Variants in NRXN3 observed in about 807,000 individuals in gnomAD.
NRXN3 encodes the protein neurexin III.
A neutral mutation model predicts 137.6 loss-of-function variants in NRXN3; 32 were observed. The ratio of observed to expected loss-of-function variants is 0.23; its 90% confidence interval spans 0.18 to 0.31. The LOEUF is 0.31. Among genes scored for constraint, NRXN3 ranks in the 10% least tolerant of loss-of-function variants. The pLI, the probability that NRXN3 is intolerant of heterozygous loss-of-function variation, is 1.00. For synonymous variants in NRXN3, 798 were observed against 784.5 expected, an observed-to-expected ratio of 1.02 and a Z score of -0.29; for missense variants, 1,574 against 2,062.5, an observed-to-expected ratio of 0.76 and a Z score of 4.59.
intron 1 of NRXN3, among the ~76,000 whole-genome samples, chr14:78,179,842 GTT>G (rs796341902): frequency 6.4e-5 from 7 of 109,152 alleles, no homozygotes; most frequent in African/African-American, 2.3e-4. Flanking sequence ...CTGTTTTTTT[GTT>G]TTTTTTTTTT....
chr14:78,907,477 G>A (rs1295210229), intron 10 of NRXN3, among the ~76,000 whole-genome samples: 1 of 151,934 alleles, frequency 6.6e-6, no homozygotes. Context: ...TTCTAGAGTG[G>A]ATTTTTGTAG....
At chr14:78,261,119 T>C (rs1413733872) in intron 2 of NRXN3, among the ~76,000 whole-genome samples, 2 of 152,154 alleles carry the variant, frequency 1.3e-5, no homozygotes, top group African/African-American at 4.8e-5. Flanking sequence ...TTGAGCTCTT[T>C]ACTCATCTCT....
At chr14:78,179,834 G>GTTTTTTTTTTTTTTTTTTTTTTCTTTT (rs1325344906) in intron 1 of NRXN3, among the ~76,000 whole-genome samples, 1 of 111,394 alleles carries the variant, frequency 9.0e-6, no homozygotes, top group Admixed American at 8.5e-5. Context: ...GTTTGTTTCT[G>GTTTTTTTTTTTTTTTTTTTTTTCTTTT]TTTTTTTGTT....
intron 19 of NRXN3, among the ~76,000 whole-genome samples, chr14:79,706,166 T>G (rs939314939): frequency 4.6e-5 from 7 of 152,176 alleles, no homozygotes; most frequent in Non-Finnish European, 2.9e-5. Context: ...CAGAGATATC[T>G]CCTTGTCTCT....
intron 4 of NRXN3, among the ~76,000 whole-genome samples, chr14:78,315,652 T>C (rs17107326): frequency 0.084 from 12,866 of 152,294 alleles, 952 homozygotes; most frequent in East Asian, 0.29. Context: ...CTTGCATCCA[T>C]AACCCAAAAG....
At chr14:79,748,588 A>C (rs2098986904) in intron 19 of NRXN3, among the ~76,000 whole-genome samples, 1 of 152,064 alleles carries the variant, frequency 6.6e-6, no homozygotes, top group Admixed American at 6.6e-5. Context: ...TGAGTTATGG[A>C]CGATGCATTT....
At chr14:78,806,384 C>T (rs181869318) in intron 9 of NRXN3, among the ~76,000 whole-genome samples, 409 of 152,150 alleles carry the variant, frequency 2.7e-3, no homozygotes, top group South Asian at 6.4e-3. Context: ...TTCTCTTTGC[C>T]GTGAATTTGT....
chr14:79,606,334 C>A (rs2552419), intron 16 of NRXN3, among the ~76,000 whole-genome samples: 73,382 of 152,050 alleles, frequency 0.48, 19,697 homozygotes, highest in African/African-American at 0.72. Context: ...CAAAGAAAAG[C>A]TTTAGAGTAA....
intron 4 of NRXN3, among the ~76,000 whole-genome samples, chr14:78,376,858 G>T (rs1167776234): frequency 6.6e-6 from 1 of 152,102 alleles, no homozygotes; most frequent in Non-Finnish European, 1.5e-5. Context: ...TGACACGAGT[G>T]GATTGTGATA....
chr14:78,637,463 C>G (rs2097576900), intron 4 of NRXN3, among the ~76,000 whole-genome samples: 1 of 152,186 alleles, frequency 6.6e-6, no homozygotes. Flanking sequence ...TGCATACCTT[C>G]TCAACAACAA....
At chr14:79,206,166 C>A (rs563503354) in intron 15 of NRXN3, among the ~76,000 whole-genome samples, 1 of 152,224 alleles carries the variant, frequency 6.6e-6, no homozygotes, top group Admixed American at 6.5e-5. Flanking sequence ...CATTAATTTG[C>A]ATCAAGTTAT....
intron 4 of NRXN3, among the ~76,000 whole-genome samples, chr14:78,465,387 C>A (rs1599015799): frequency 6.6e-6 from 1 of 152,068 alleles, no homozygotes; most frequent in Non-Finnish European, 1.5e-5. Context: ...GATAAAATGT[C>A]ATAATCTAGC....
chr14:79,777,366 G>A (rs764623947), intron 19 of NRXN3, among the ~76,000 whole-genome samples: 2 of 152,036 alleles, frequency 1.3e-5, no homozygotes, highest in African/African-American at 2.4e-5. Flanking sequence ...GATAGGGAGA[G>A]ATTTAGGCAA....
chr14:79,461,939 G>T (rs981519677), intron 15 of NRXN3, among the ~76,000 whole-genome samples: 1 of 152,180 alleles, frequency 6.6e-6, no homozygotes, highest in African/African-American at 2.4e-5. Context: ...GAGAACTAGA[G>T]CAGGAGACTG....
intron 17 of NRXN3, among the ~76,000 whole-genome samples, chr14:79,680,392 A>C (rs1040078423): frequency 5.3e-5 from 8 of 152,152 alleles, no homozygotes; most frequent in African/African-American, 1.9e-4. Flanking sequence ...TCTCAAAACA[A>C]AACAGAACAA....
intron 19 of NRXN3, among the ~76,000 whole-genome samples, chr14:79,753,048 A>G (rs1410385333): frequency 1.3e-5 from 2 of 150,956 alleles, no homozygotes; most frequent in Non-Finnish European, 3.0e-5. Flanking sequence ...TAGAATGGCA[A>G]TCATTAAAAA....
chr14:79,763,967 A>C (rs1464665111), intron 19 of NRXN3, among the ~76,000 whole-genome samples: 1 of 150,264 alleles, frequency 6.7e-6, no homozygotes, highest in African/African-American at 2.5e-5. Context: ...AATTTATTTA[A>C]CTTTTATTGT....
At chr14:78,835,069 G>A (rs1305283408) in intron 10 of NRXN3, among the ~76,000 whole-genome samples, 1 of 151,932 alleles carries the variant, frequency 6.6e-6, no homozygotes, top group Non-Finnish European at 1.5e-5. Flanking sequence ...ATCTACTTAT[G>A]TCAGTTGTTT....
chr14:79,316,001 A>C (rs937148748), intron 15 of NRXN3, among the ~76,000 whole-genome samples: 2 of 152,222 alleles, frequency 1.3e-5, no homozygotes, highest in Non-Finnish European at 2.9e-5. Context: ...CTAGGCATCA[A>C]AATTAATCAG....
Sources: allele counts gnomAD v4.1 joint callset (sites outside exome capture counted in the v4.1 genomes callset), GRCh38; gene constraint gnomAD v4.1.1; transcripts MANE v1.5; gene names NCBI Gene and HGNC (gene_info 2026-07-23, HGNC 2026-07-21).